Variants in SMARCB1 observed in about 807,000 individuals in gnomAD.
SMARCB1 encodes SWI/SNF related BAF chromatin remodeling complex subunit B1.
In SMARCB1, 5 loss-of-function variants were observed where a neutral mutation model predicts 49.0. The ratio of observed to expected loss-of-function variants is 0.10; its 90% confidence interval spans 0.05 to 0.21. The LOEUF (loss-of-function observed/expected upper bound fraction) is 0.21, where lower values mean the gene tolerates loss of function less well. Among genes scored for constraint, SMARCB1 ranks in the 10% least tolerant of loss-of-function variants. The pLI, the probability that SMARCB1 is intolerant of heterozygous loss-of-function variation, is 1.00. For synonymous variants in SMARCB1, 201 were observed against 200.1 expected (o/e 1.00, Z -0.04); for missense variants, 226 against 509.2 (o/e 0.44, Z 5.35).
At position 23,836,118 on chromosome 22, in the gene SMARCB1, T is replaced by C. The variant is rs1274539782; in HGVS notation, c.*1938T>C. 1 of 985,208 alleles carries C rather than the reference T, an allele frequency of 1.0e-6. No homozygotes were observed. Among genetic ancestry groups the C allele is most frequent in the Non-Finnish European group, 1.2e-6 (1 of 829,938 alleles). 61.0% of individuals were successfully genotyped at this position (985,208 alleles called of 1,614,324 possible). A position where few individuals can be genotyped will look rare whatever the true frequency, so the allele number is the denominator to read the frequency against. On this transcript the variant is annotated 3_prime_UTR_variant, in exon 9 of 9. Transcript: ENST00000644036. ...GATAAGGCTCACACACGTCCTCAGC[T>C]AAAAAGGGCAGGAACAGAACCTTCC...
intron 6 of SMARCB1, chr22:23,818,466 T>C (rs2029907797): frequency 6.6e-6 from 1 of 152,166 alleles, no homozygotes; most frequent in Non-Finnish European, 1.5e-5. Context: ...ATACTTTGTT[T>C]TCTTGATTAA....
At chr22:23,795,498 G>C (rs376738409) in intron 3 of SMARCB1, among the ~76,000 whole-genome samples, 2 of 151,726 alleles carry the variant, frequency 1.3e-5, no homozygotes, top group African/African-American at 4.8e-5. Flanking sequence ...TCTGCTAAAC[G>C]TACAAAGTTA....
chr22:23,791,655 C>A, intron 1 of SMARCB1, 101 bp from the exon 2 acceptor site: 1 of 1,198,682 alleles, frequency 8.3e-7, no homozygotes, highest in Non-Finnish European at 1.2e-6. Flanking sequence ...GGGGCCACCT[C>A]AAGGCCTGTT....
chr22:23,811,109 T>G (rs1342877284), intron 5 of SMARCB1, among the ~76,000 whole-genome samples: 1 of 150,164 alleles, frequency 6.7e-6, no homozygotes, highest in Non-Finnish European at 1.5e-5. Context: ...AATGTTAGTA[T>G]CAGTAAGGCA....
intron 5 of SMARCB1, among the ~76,000 whole-genome samples, chr22:23,813,116 C>T (rs1186967185): frequency 5.3e-5 from 8 of 152,168 alleles, no homozygotes; most frequent in Admixed American, 3.3e-4. Flanking sequence ...CCACCCGCCT[C>T]GGCCTCCCAA....
chr22:23,800,135 C>T (rs898351201), intron 3 of SMARCB1, among the ~76,000 whole-genome samples: 10 of 152,258 alleles, frequency 6.6e-5, no homozygotes, highest in African/African-American at 1.2e-4. Flanking sequence ...GGCCTGGTTT[C>T]GAACTCTTGA....
chr22:23,789,364 G>A (rs917355718), intron 1 of SMARCB1, among the ~76,000 whole-genome samples: 2 of 152,208 alleles, frequency 1.3e-5, no homozygotes, highest in African/African-American at 4.8e-5. Flanking sequence ...TAGGCGAGTT[G>A]TTTACCTGAT....
chr22:23,835,109 G>C lies in SMARCB1; in HGVS notation c.*929G>C. ...TACAAGCCAGCTGTGAGGAATATGG[G>C]AATAGCCCTCCCGGCCTGGTGCCAG... On this transcript the variant is annotated 3_prime_UTR_variant, in exon 9 of 9. Coordinates refer to ENST00000644036, the MANE Select transcript of SMARCB1 (RefSeq NM_003073.5). 1 of 1,380,998 alleles carries C rather than the reference G, an allele frequency of 7.2e-7. No homozygotes were observed. Among genetic ancestry groups the C allele is most frequent in the Non-Finnish European group, 9.3e-7 (1 of 1,070,474 alleles). 85.5% of individuals were successfully genotyped at this position (1,380,998 alleles called of 1,614,324 possible). A position where few individuals can be genotyped will look rare whatever the true frequency, so the allele number is the denominator to read the frequency against.
intron 3 of SMARCB1, among the ~76,000 whole-genome samples, chr22:23,797,000 C>CTTTTTTTTTT (rs1166157626): frequency 2.1e-4 from 29 of 135,396 alleles, no homozygotes; most frequent in African/African-American, 7.6e-4. Context: ...GGTTGTTTTT[C>CTTTTTTTTTT]TTTTTTTTTT....
intron 3 of SMARCB1, among the ~76,000 whole-genome samples, chr22:23,798,161 A>G (rs3788362): frequency 0.92 from 139,788 of 152,278 alleles, 64,313 homozygotes; most frequent in Middle Eastern, 0.97. Context: ...AGGCTCAGCT[A>G]CCTGGAAATC....
intron 5 of SMARCB1, among the ~76,000 whole-genome samples, chr22:23,814,558 G>C (rs35327905): frequency 6.6e-6 from 1 of 151,646 alleles, no homozygotes; most frequent in African/African-American, 2.4e-5. Context: ...CCAGCTACTC[G>C]GGCGGGTGAG....
intron 6 of SMARCB1, among the ~76,000 whole-genome samples, chr22:23,819,321 TATTCATTCATTC>T (rs149317839): frequency 2.6e-5 from 4 of 151,372 alleles, no homozygotes; most frequent in South Asian, 2.1e-4. Flanking sequence ...TGTTTTCATT[TATTCATTCATTC>T]ATTCATTCAT....
rs1354063971 is a variant in SMARCB1 at position 23,833,577 on chromosome 22, A to C, written c.992A>C (p.Asn331Thr). ...WHQKTYAFSE[N>T]PLPTVEIAIR... Reference sequence around the variant, plus strand: ...ACTGCCTCCCCTCCTCGTAGCGAGAACCCTCTGCCCACAGTGGAGATTGCC... The same window carrying C: ...ACTGCCTCCCCTCCTCGTAGCGAGACCCCTCTGCCCACAGTGGAGATTGCC... Residue 331 changes from asparagine to threonine, a missense_variant, in exon 8 of 9, where the codon AAC becomes ACC. Around this residue, in one of 6 missense-constraint regions of SMARCB1, gnomAD observed 35 missense variants for 107.2 expected, o/e 0.33. Transcript: ENST00000644036. The C allele has an allele frequency of 6.2e-7, 1 of 1,614,042 alleles. No individual in the cohort carries two copies. The highest frequency in any genetic ancestry group is 8.5e-7 in the Non-Finnish European group (1 of 1,180,032).
chr22:23,803,834 C>T (rs917936647), intron 5 of SMARCB1: 8 of 315,524 alleles, frequency 2.5e-5, no homozygotes, highest in African/African-American at 1.7e-4. Flanking sequence ...TCTAACTGGT[C>T]ATCTCTAGAC....
In SMARCB1 at chr22:23,837,456, A is replaced by T. The variant is rs1001524832; in HGVS notation, c.*3276A>T. 4.5e-6 allele frequency: 3 copies of T among 661,210 alleles called. No individual in the cohort carries two copies. The highest frequency in any genetic ancestry group is 5.8e-5 in the Admixed American group (2 of 34,214). 41.0% of individuals were successfully genotyped at this position (661,210 alleles called of 1,614,324 possible). On this transcript the variant is annotated 3_prime_UTR_variant, in exon 9 of 9. Coordinates refer to ENST00000644036, the MANE Select transcript of SMARCB1 (RefSeq NM_003073.5). ...ATCAGGACCGTGCAAGCATCAGTAGATCCGTCCTGACGATGCAAATTATGT... is the reference window on the plus strand; with the variant it reads ...ATCAGGACCGTGCAAGCATCAGTAGTTCCGTCCTGACGATGCAAATTATGT...
At chr22:23,829,331 G>A (rs1320194797) in intron 7 of SMARCB1, among the ~76,000 whole-genome samples, 2 of 152,230 alleles carry the variant, frequency 1.3e-5, no homozygotes, top group African/African-American at 4.8e-5. Context: ...ATGGGGGACT[G>A]CAGCAGGAAG....
At chr22:23,806,005 C>G (rs1281246002) in intron 5 of SMARCB1, among the ~76,000 whole-genome samples, 5 of 152,120 alleles carry the variant, frequency 3.3e-5, no homozygotes, top group Non-Finnish European at 5.9e-5. Context: ...CAAATGAAAA[C>G]GGAGTGGTTA....
rs1930231629 is a variant in SMARCB1, at chr22:23,816,955, A to G, written c.795+19A>G. The G allele has an allele frequency of 1.2e-6, 2 of 1,609,802 alleles. No individual in the cohort carries two copies. Among genetic ancestry groups the G allele is most frequent in the African/African-American group, 1.3e-5 (1 of 74,944 alleles). The stretch of plus-strand genomic sequence containing the variant: ...CATCAAGGTAGGTGACTTCTCACCC[A>G]GCACTGGAGCCTTCCTGGCCCTCAG... On this transcript the variant is annotated intron_variant, in intron 6 of 8. Coordinates refer to ENST00000644036, the MANE Select transcript of SMARCB1 (RefSeq NM_003073.5).
chr22:23,809,542 C>T (rs1380279406), intron 5 of SMARCB1, among the ~76,000 whole-genome samples: 2 of 151,870 alleles, frequency 1.3e-5, no homozygotes, highest in African/African-American at 2.4e-5. Context: ...TCCCAAAGTG[C>T]TGGGATTACA....
Sources: allele counts gnomAD v4.1 joint callset (sites outside exome capture counted in the v4.1 genomes callset), GRCh38; gene constraint gnomAD v4.1.1; regional missense constraint gnomAD v4.1.1; transcripts MANE v1.5; gene names NCBI Gene and HGNC (gene_info 2026-07-23, HGNC 2026-07-21).